Variants in CSMD3 observed in about 807,000 individuals in gnomAD.
The protein encoded by CSMD3 is CUB and sushi domain-containing protein 3.
CSMD3 carries 177 observed loss-of-function variants against 435.2 expected under a neutral mutation model. That is an observed-to-expected ratio of 0.41 (90% CI 0.36 to 0.46). The LOEUF (loss-of-function observed/expected upper bound fraction) is 0.46, where lower values mean the gene tolerates loss of function less well. Ranked by LOEUF, CSMD3 falls within the 20% of genes least tolerant of loss-of-function variation. The probability of loss-of-function intolerance (pLI) is 0.34; values close to 1 mark genes in which losing one functional copy is unlikely to be tolerated. For synonymous variants in CSMD3, 1,656 were observed against 1,520.5 expected (o/e 1.09, Z -2.07); for missense variants, 4,265 against 4,504.6 (o/e 0.95, Z 1.52).
intron 11 of CSMD3, among the ~76,000 whole-genome samples, chr8:112,846,413 T>A (rs1226314270): frequency 6.6e-6 from 1 of 150,966 alleles, no homozygotes; most frequent in African/African-American, 2.4e-5. Context: ...ATACACTTTT[T>A]AATTTTCTTG....
chr8:112,861,640 G>A (rs2080829608), intron 10 of CSMD3, among the ~76,000 whole-genome samples: 1 of 151,974 alleles, frequency 6.6e-6, no homozygotes, highest in Admixed American at 6.6e-5. Context: ...ATTCTGTAAT[G>A]GATTATACAT....
intron 3 of CSMD3, among the ~76,000 whole-genome samples, chr8:113,260,398 G>C (rs994451389): frequency 5.9e-5 from 9 of 152,096 alleles, no homozygotes; most frequent in African/African-American, 2.2e-4. Context: ...AGTTCTTGGA[G>C]TTCCTCTCCT....
intron 11 of CSMD3, among the ~76,000 whole-genome samples, chr8:112,849,491 T>C (rs7011554): frequency 0.061 from 9,296 of 152,032 alleles, 964 homozygotes; most frequent in African/African-American, 0.21. Flanking sequence ...CTCAAAAATC[T>C]ATTAGCAACC....
At chr8:112,654,528 G>C (rs1415589606) in intron 18 of CSMD3, among the ~76,000 whole-genome samples, 1 of 152,136 alleles carries the variant, frequency 6.6e-6, no homozygotes, top group Non-Finnish European at 1.5e-5. Context: ...TGCCTTTTAA[G>C]GCACTAGCCC....
At chr8:112,921,394 T>C (rs2082739135) in intron 10 of CSMD3, among the ~76,000 whole-genome samples, 2 of 152,056 alleles carry the variant, frequency 1.3e-5, no homozygotes, top group Non-Finnish European at 2.9e-5. Flanking sequence ...GAGTCTTGTA[T>C]TACATACTTT....
chr8:112,953,125 AGGGT>A (rs1358862412), intron 8 of CSMD3, among the ~76,000 whole-genome samples: 9 of 151,496 alleles, frequency 5.9e-5, no homozygotes, highest in Non-Finnish European at 7.4e-5. Flanking sequence ...AATTGAGAAG[AGGGT>A]AAGCCATTCT....
chr8:112,909,586 T>C (rs978968505), intron 10 of CSMD3, among the ~76,000 whole-genome samples: 1 of 151,812 alleles, frequency 6.6e-6, no homozygotes, highest in African/African-American at 2.4e-5. Flanking sequence ...AAAGGCATAT[T>C]TGGTTATTTA....
chr8:112,258,980 A>C (rs1406215077), intron 61 of CSMD3, among the ~76,000 whole-genome samples: 4 of 152,064 alleles, frequency 2.6e-5, no homozygotes, highest in Admixed American at 2.6e-4. Flanking sequence ...CGGAGCTTGC[A>C]GTGAGCCGAG....
chr8:112,561,479 A>G (rs1828620046), intron 24 of CSMD3, among the ~76,000 whole-genome samples: 1 of 151,694 alleles, frequency 6.6e-6, no homozygotes, highest in African/African-American at 2.4e-5. Context: ...ACAAAAAAAT[A>G]TAAAGGATGA....
intron 29 of CSMD3, among the ~76,000 whole-genome samples, 194 bp downstream of exon 29, chr8:112,506,497 C>T (rs1212092492): frequency 6.6e-6 from 1 of 152,066 alleles, no homozygotes. Flanking sequence ...AATGGAGGCT[C>T]ACTCAAATAA....
At chr8:112,816,865 T>C (rs573038943) in intron 12 of CSMD3, among the ~76,000 whole-genome samples, 341 of 151,716 alleles carry the variant, frequency 2.2e-3, no homozygotes, top group African/African-American at 7.9e-3. Context: ...CCCAGAAGTG[T>C]GTGTGTGTTT....
chr8:113,223,515 T>C lies in CSMD3; in HGVS notation c.515-49599A>G, dbSNP rs748263757. ...AACACTTTGAAGAGGACATGGTTCATTGCAATAATATATATTAGCCTTTAT... is the reference window on the plus strand; with the variant it reads ...AACACTTTGAAGAGGACATGGTTCACTGCAATAATATATATTAGCCTTTAT... On this transcript the variant is annotated intron_variant, in intron 3 of 70. Coordinates refer to ENST00000297405, the MANE Select transcript of CSMD3 (RefSeq NM_198123.2). Among the ~76,000 whole-genome samples the C allele has an allele frequency of 8.6e-5, 13 of 150,428 alleles. 1 individual carries two copies. The highest frequency in any genetic ancestry group is 1.6e-4 in the Non-Finnish European group (11 of 67,186).
At chr8:113,293,843 T>C (rs555800840) in intron 2 of CSMD3, among the ~76,000 whole-genome samples, 2 of 152,054 alleles carry the variant, frequency 1.3e-5, no homozygotes, top group African/African-American at 4.8e-5. Context: ...GGAAGAAAAA[T>C]ACATATAAGA....
chr8:113,073,927 A>C (rs1383294), intron 5 of CSMD3, among the ~76,000 whole-genome samples: 101,816 of 151,422 alleles, frequency 0.67, 35,846 homozygotes, highest in East Asian at 0.95. Flanking sequence ...AATCCTTGAA[A>C]CAGTCTTGTC....
intron 22 of CSMD3, among the ~76,000 whole-genome samples, chr8:112,594,025 C>T (rs916062090): frequency 1.3e-5 from 2 of 151,984 alleles, no homozygotes; most frequent in South Asian, 2.1e-4. Context: ...CCAAGATGGC[C>T]GAATAGGAAC....
intron 13 of CSMD3, among the ~76,000 whole-genome samples, chr8:112,712,979 C>T (rs563544702): frequency 2.0e-5 from 3 of 152,150 alleles, no homozygotes; most frequent in African/African-American, 4.8e-5. Flanking sequence ...GAAGAAGCAG[C>T]GATTGGAGGC....
chr8:112,601,612 A>G (rs148694667), intron 22 of CSMD3, among the ~76,000 whole-genome samples: 116 of 152,314 alleles, frequency 7.6e-4, no homozygotes, highest in African/African-American at 2.8e-3. Flanking sequence ...TGCTTCATCA[A>G]GAAGGTAGCA....
intron 13 of CSMD3, among the ~76,000 whole-genome samples, chr8:112,738,777 C>A (rs1484276543): frequency 1.3e-5 from 2 of 151,626 alleles, no homozygotes; most frequent in Non-Finnish European, 3.0e-5. Flanking sequence ...AACTTAAATT[C>A]TGTCTAAAAT....
chr8:112,298,833 C>T (rs1272312540), intron 53 of CSMD3, among the ~76,000 whole-genome samples: 1 of 152,052 alleles, frequency 6.6e-6, no homozygotes, highest in African/African-American at 2.4e-5. Flanking sequence ...GAATGGGAGA[C>T]AACTAGAACT....
Sources: allele counts gnomAD v4.1 joint callset (sites outside exome capture counted in the v4.1 genomes callset), GRCh38; gene constraint gnomAD v4.1.1; transcripts MANE v1.5; gene names NCBI Gene and HGNC (gene_info 2026-07-23, HGNC 2026-07-21).